Variants in ANKRD11 observed in about 807,000 individuals in gnomAD.
The protein encoded by ANKRD11 is ankyrin repeat domain 11.
Under a neutral mutation model 195.7 loss-of-function variants are expected in ANKRD11, and 17 were observed. The observed-to-expected ratio is 0.09, with a 90% CI of 0.06 to 0.13. The LOEUF (loss-of-function observed/expected upper bound fraction) is 0.13, where lower values mean the gene tolerates loss of function less well. ANKRD11 is among the 10% of genes least tolerant of loss of function. The pLI, the probability that ANKRD11 is intolerant of heterozygous loss-of-function variation, is 1.00. For missense variants in ANKRD11, 3,735 were observed against 3,566.1 expected (o/e 1.05, Z -1.21); for synonymous variants, 1,953 against 1,528.1 (o/e 1.28, Z -6.49).
Position 89,279,342 on chromosome 16 carries a change from C to T in ANKRD11, c.7200G>A (p.Leu2400=), listed in dbSNP as rs1399130915. 3 of 1,610,754 alleles carry T rather than the reference C, an allele frequency of 1.9e-6. No individual in the cohort carries two copies. Among genetic ancestry groups the T allele is most frequent in the African/African-American group, 1.3e-5 (1 of 74,818 alleles). ...QRSTQQLQQQ[L]NTSTQQTREV... ...CCCGCGTCTGCTGCGTGGACGTGTT[C>T]AGCTGCTGCTGCAGCTGCTGGGTGG... Residue 2400 remains leucine (L), a synonymous_variant, in exon 9 of 13, where the codon CTG becomes CTA. Transcript: ENST00000301030. The surrounding 1 kb of genome is among the most constrained non-coding windows in gnomAD (Gnocchi z 5.6).
intron 3 of ANKRD11, among the ~76,000 whole-genome samples, chr16:89,313,887 G>T (rs749390126): frequency 1.1e-4 from 16 of 152,194 alleles, no homozygotes; most frequent in Non-Finnish European, 2.2e-4. Flanking sequence ...AAATTTGTCT[G>T]CCTCCATGAG....
rs553637869 is a variant in ANKRD11, at chr16:89,464,619, A to G, written c.-145+25626T>C. ...TGAGACTCCATCTTAAAAAAAAAAA[A>G]AAAAGAAAAGAAAAGAAAAAGAAAA... On this transcript the variant is annotated intron_variant, in intron 1 of 12. Transcript: ENST00000301030. Among the ~76,000 whole-genome samples, 254 of 151,492 alleles carry G rather than the reference A, an allele frequency of 1.7e-3. 2 individuals are homozygous for G. Among genetic ancestry groups the G allele is most frequent in the African/African-American group, 5.7e-3 (234 of 41,396 alleles).
rs2034515217 is a variant in ANKRD11 at position 89,284,621 on chromosome 16, T to C, written c.1921A>G (p.Lys641Glu). The C allele has an allele frequency of 6.2e-7, 1 of 1,613,994 alleles. No homozygotes were observed. The highest frequency in any genetic ancestry group is 8.5e-7 in the Non-Finnish European group (1 of 1,179,908). ...KHKTKHKHKN[K>E]EKGQCSISQE... is the part of the protein sequence containing the mutation. ...CTGATGGAACACTGTCCCTTCTCCT[T>C]GTTTTTGTGTTTGTGTTTTGTTTTA... Residue 641 changes from lysine to glutamate, a missense_variant, in exon 9 of 13, where the codon AAG becomes GAG. By Grantham distance (56) the Lys-to-Glu change is moderately conservative. Transcript: ENST00000301030.
At chr16:89,392,090 T>C (rs1597256931) in intron 2 of ANKRD11, among the ~76,000 whole-genome samples, 2 of 152,132 alleles carry the variant, frequency 1.3e-5, no homozygotes, top group African/African-American at 2.4e-5. Context: ...TCGGGACAAA[T>C]ACAGAATGTG....
chr16:89,315,536 G>A (rs916537343), intron 3 of ANKRD11, among the ~76,000 whole-genome samples: 8 of 151,532 alleles, frequency 5.3e-5, no homozygotes, highest in Admixed American at 2.0e-4. Context: ...TCACACACAC[G>A]TGTGTCCCCG....
At chr16:89,312,220 T>A (rs2036643747) in intron 3 of ANKRD11, among the ~76,000 whole-genome samples, 2 of 152,184 alleles carry the variant, frequency 1.3e-5, no homozygotes, top group African/African-American at 4.8e-5. Context: ...TTCTTAAACG[T>A]GATGTGAGAA....
intron 1 of ANKRD11, among the ~76,000 whole-genome samples, chr16:89,433,019 CGA>C (rs2043064378): frequency 6.6e-6 from 1 of 150,558 alleles, no homozygotes; most frequent in Admixed American, 6.6e-5. Flanking sequence ...CACACACACA[CGA>C]AATATATGGA....
At chr16:89,372,450 G>T (rs916266339) in intron 2 of ANKRD11, among the ~76,000 whole-genome samples, 25 of 152,186 alleles carry the variant, frequency 1.6e-4, no homozygotes, top group African/African-American at 5.8e-4. Context: ...GCGGCTCAGG[G>T]CACCAGCTGC....
At chr16:89,333,519 C>G (rs989829349) in intron 2 of ANKRD11, among the ~76,000 whole-genome samples, 2 of 152,234 alleles carry the variant, frequency 1.3e-5, no homozygotes, top group African/African-American at 4.8e-5. Flanking sequence ...GCTGCACAAC[C>G]CTCCGTCCCT....
At chr16:89,287,757 G>A (rs7191936) in intron 7 of ANKRD11, 3,169 of 172,890 alleles carry the variant, frequency 0.018, 115 homozygotes, top group African/African-American at 0.072. Flanking sequence ...CCACCCCACC[G>A]GAACAAGCCG....
chr16:89,380,915 G>C (rs895808850), intron 2 of ANKRD11, among the ~76,000 whole-genome samples: 2 of 152,236 alleles, frequency 1.3e-5, no homozygotes, highest in African/African-American at 4.8e-5. Flanking sequence ...AGCTGAGGCA[G>C]GCAGACGGAG....
At chr16:89,428,457 C>T (rs1029883182) in intron 1 of ANKRD11, among the ~76,000 whole-genome samples, 4 of 151,828 alleles carry the variant, frequency 2.6e-5, no homozygotes, top group Admixed American at 6.6e-5. Context: ...ACCTGGGAGG[C>T]GGAGCTTGCA....
intron 2 of ANKRD11, chr16:89,360,567 C>T (rs1009296641): frequency 6.6e-5 from 10 of 152,170 alleles, no homozygotes; most frequent in Non-Finnish European, 1.2e-4. Context: ...TTACTTTCAC[C>T]ACTAAAATGG....
intron 2 of ANKRD11, among the ~76,000 whole-genome samples, chr16:89,350,670 G>C (rs903370382): frequency 6.6e-6 from 1 of 152,200 alleles, no homozygotes; most frequent in East Asian, 1.9e-4. Flanking sequence ...AGAGGAAAGG[G>C]GGAACTTTCT....
chr16:89,313,239 G>C, intron 3 of ANKRD11: 1 of 1,239,282 alleles, frequency 8.1e-7, no homozygotes, highest in South Asian at 1.4e-5. Context: ...CAATGAGACA[G>C]GGTGACTGTG....
intron 1 of ANKRD11, among the ~76,000 whole-genome samples, chr16:89,424,021 G>T (rs1020170681): frequency 5.9e-5 from 9 of 152,128 alleles, no homozygotes; most frequent in African/African-American, 2.2e-4. Context: ...CCTCCGGGAA[G>T]ATTGTAACCC....
intron 2 of ANKRD11, among the ~76,000 whole-genome samples, chr16:89,366,129 CAAAAAAA>C (rs71387689): frequency 0.13 from 7,901 of 60,368 alleles, 354 homozygotes; most frequent in Admixed American, 0.21. Context: ...GACTCCATCT[CAAAAAAA>C]AAAAAAAAAA....
chr16:89,444,640 A>C (rs2043698785), intron 1 of ANKRD11, among the ~76,000 whole-genome samples: 1 of 152,174 alleles, frequency 6.6e-6, no homozygotes, highest in Non-Finnish European at 1.5e-5. Context: ...CTAGCAGCAT[A>C]CAAGACTGCT....
At position 89,371,587 on chromosome 16, in the gene ANKRD11, G is replaced by A. The variant is rs569741497; in HGVS notation, c.-60+46697C>T. Among the ~76,000 whole-genome samples, 9 of 152,232 alleles carry A rather than the reference G, an allele frequency of 5.9e-5. 1 individual carries two copies. The highest frequency in any genetic ancestry group is 1.7e-4 in the African/African-American group (7 of 41,518). On this transcript the variant is annotated intron_variant, in intron 2 of 12. Coordinates refer to ENST00000301030, the MANE Select transcript of ANKRD11 (RefSeq NM_013275.6). Reference sequence around the variant, plus strand: ...CTGCAGGAAGGTCCAGGCAGGCGCCGCTCCCCACATTCAAGGGTGCTGTGC... The same window carrying A: ...CTGCAGGAAGGTCCAGGCAGGCGCCACTCCCCACATTCAAGGGTGCTGTGC...
Sources: allele counts gnomAD v4.1 joint callset (sites outside exome capture counted in the v4.1 genomes callset), GRCh38; gene constraint gnomAD v4.1.1; non-coding constraint Gnocchi (gnomAD v3.1); transcripts MANE v1.5; gene names NCBI Gene and HGNC (gene_info 2026-07-23, HGNC 2026-07-21).